Variants in PITPNM2 observed in about 807,000 individuals in gnomAD.
PITPNM2 encodes phosphatidylinositol transfer protein membrane associated 2, also known as membrane-associated phosphatidylinositol transfer protein 2.
A neutral mutation model predicts 132.2 loss-of-function variants in PITPNM2; 35 were observed. That is an observed-to-expected ratio of 0.26 (90% CI 0.20 to 0.35). The LOEUF is 0.35. Among genes scored for constraint, PITPNM2 ranks in the 10% least tolerant of loss-of-function variants. PITPNM2 has a pLI of 1.00. For missense variants in PITPNM2, 1,332 were observed against 1,912.0 expected (o/e 0.70, Z 5.66); for synonymous variants, 738 against 799.2 (o/e 0.92, Z 1.29).
chr12:123,017,255 C>T (rs965491794), intron 3 of PITPNM2, among the ~76,000 whole-genome samples: 1 of 151,610 alleles, frequency 6.6e-6, no homozygotes, highest in African/African-American at 2.4e-5. Flanking sequence ...TGCCTGTAAT[C>T]CCAGCTATTT....
intron 2 of PITPNM2, among the ~76,000 whole-genome samples, chr12:123,046,622 C>G (rs2040667334): frequency 6.6e-6 from 1 of 152,280 alleles, no homozygotes; most frequent in East Asian, 1.9e-4. Flanking sequence ...GCCCCTGGCA[C>G]CCACTAAGCT....
chr12:123,134,996 T>C (rs1169452248), intron 1 of PITPNM2, among the ~76,000 whole-genome samples: 3 of 152,160 alleles, frequency 2.0e-5, no homozygotes, highest in Non-Finnish European at 4.4e-5. Flanking sequence ...AGCTGCACGA[T>C]AGATCATGTT....
rs1202027788 is a variant in PITPNM2, at chr12:123,009,069, C to T, written c.643+781G>A. ...GACAATGCCTACCCTCATGGGTTAT[C>T]GTAAGCTTACGTGACAAGCGTGATA... On this transcript the variant is annotated intron_variant, in intron 6 of 25. Coordinates refer to ENST00000320201, the MANE Select transcript of PITPNM2 (RefSeq NM_020845.3). The surrounding 1 kb of genome is among the most constrained non-coding windows in gnomAD (Gnocchi z 4.8). Among the ~76,000 whole-genome samples the T allele has an allele frequency of 1.3e-5, 2 of 152,174 alleles. No homozygotes were observed. The highest frequency in any genetic ancestry group is 2.4e-5 in the African/African-American group (1 of 41,428).
At chr12:123,067,831 T>C (rs1470586366) in intron 2 of PITPNM2, among the ~76,000 whole-genome samples, 2 of 152,120 alleles carry the variant, frequency 1.3e-5, no homozygotes, top group Non-Finnish European at 2.9e-5. Flanking sequence ...TGACCACATA[T>C]AGGTCAGCTA....
At chr12:123,037,658 G>GCCCT (rs1241666668) in intron 2 of PITPNM2, among the ~76,000 whole-genome samples, 6 of 152,174 alleles carry the variant, frequency 3.9e-5, no homozygotes, top group Non-Finnish European at 5.9e-5. Flanking sequence ...TACATGACCT[G>GCCCT]CCCTGCTCAT....
At chr12:123,149,584 A>G (rs1386877136) in intron 1 of PITPNM2, among the ~76,000 whole-genome samples, 1 of 152,232 alleles carries the variant, frequency 6.6e-6, no homozygotes, top group African/African-American at 2.4e-5. Flanking sequence ...GAGACCAGAG[A>G]TGAATCAACT....
rs2136027575 is a variant in PITPNM2 at position 122,985,929 on chromosome 12, C to T, written c.*98G>A. On this transcript the variant is annotated 3_prime_UTR_variant, in exon 26 of 26. Coordinates refer to ENST00000320201, the MANE Select transcript of PITPNM2 (RefSeq NM_020845.3). ...TCCACAAGGCCCTGGGACAATCTCCCAGGCCCACGTCAGTGCGTGTGCCCA... is the reference window on the plus strand; with the variant it reads ...TCCACAAGGCCCTGGGACAATCTCCTAGGCCCACGTCAGTGCGTGTGCCCA... The T allele has an allele frequency of 8.7e-7, 1 of 1,149,424 alleles. No individual in the cohort carries two copies. Among genetic ancestry groups the T allele is most frequent in the Non-Finnish European group, 1.1e-6 (1 of 879,826 alleles). The allele number at this position is 1,149,424 out of a possible 1,614,324, so 71.2% of individuals were successfully genotyped here.
At chr12:122,999,950 T>C (rs2038587121) in intron 10 of PITPNM2, among the ~76,000 whole-genome samples, 1 of 152,192 alleles carries the variant, frequency 6.6e-6, no homozygotes, top group Non-Finnish European at 1.5e-5. Flanking sequence ...ATCCGTTTGC[T>C]TATCTAGACA....
chr12:123,010,713 T>C (rs1010940789), intron 5 of PITPNM2: 3 of 155,062 alleles, frequency 1.9e-5, no homozygotes, highest in African/African-American at 7.2e-5. Flanking sequence ...GCCCTGGACA[T>C]GCCGGCCACT....
At chr12:123,087,166 G>A (rs908260799) in intron 2 of PITPNM2, 1 of 152,192 alleles carries the variant, frequency 6.6e-6, no homozygotes, top group Non-Finnish European at 1.5e-5. Context: ...GGGAGACTCT[G>A]TGTACCCTGT....
rs368478508 is a variant in PITPNM2 at position 122,988,718 on chromosome 12, G to C, written c.2880+6C>G. On this transcript the variant is annotated splice_donor_region_variant and intron_variant, in intron 19 of 25. Coordinates refer to ENST00000320201, the MANE Select transcript of PITPNM2 (RefSeq NM_020845.3). The stretch of plus-strand genomic sequence containing the variant: ...GCCCTCCTGGGAGGTCCCAGGCCCC[G>C]GGTACCTGTCTCAGCAGAAAGGAGA... 3 of 1,555,614 alleles carry C rather than the reference G, an allele frequency of 1.9e-6. No homozygotes were observed. Among genetic ancestry groups the C allele is most frequent in the Non-Finnish European group, 2.6e-6 (3 of 1,149,208 alleles).
chr12:123,115,946 C>T (rs1465047562), intron 1 of PITPNM2, among the ~76,000 whole-genome samples: 2 of 152,196 alleles, frequency 1.3e-5, no homozygotes, highest in African/African-American at 4.8e-5. Context: ...GCCATGGGAA[C>T]CTGGATATTC....
intron 1 of PITPNM2, among the ~76,000 whole-genome samples, chr12:123,113,100 G>A (rs1200230037): frequency 6.6e-6 from 1 of 152,226 alleles, no homozygotes; most frequent in African/African-American, 2.4e-5. Context: ...ATACCAGTTT[G>A]ATGGGGTGCC....
At chr12:123,113,330 C>T (rs7315572) in intron 1 of PITPNM2, among the ~76,000 whole-genome samples, 8,953 of 152,248 alleles carry the variant, frequency 0.059, 856 homozygotes, top group African/African-American at 0.2. Context: ...GACAACAGAC[C>T]ATGCATGGCC....
intron 2 of PITPNM2, among the ~76,000 whole-genome samples, chr12:123,074,541 AC>A (rs1428059259): frequency 2.0e-5 from 3 of 150,964 alleles, no homozygotes; most frequent in East Asian, 1.9e-4. Flanking sequence ...TCACATATAC[AC>A]CCCCCACATG....
intron 2 of PITPNM2, among the ~76,000 whole-genome samples, chr12:123,047,498 C>G (rs2040700170): frequency 6.6e-6 from 1 of 152,170 alleles, no homozygotes; most frequent in Admixed American, 6.5e-5. Context: ...CTTAGATCAA[C>G]AGAAACATTT....
intron 2 of PITPNM2, among the ~76,000 whole-genome samples, chr12:123,071,461 G>A (rs2041619206): frequency 1.3e-5 from 2 of 152,220 alleles, no homozygotes; most frequent in Non-Finnish European, 2.9e-5. Flanking sequence ...TTCCCCTGAG[G>A]GCAAGCTCAG....
chr12:122,990,376 C>T (rs1224366041), intron 17 of PITPNM2, among the ~76,000 whole-genome samples, 169 bp downstream of exon 17: 5 of 152,370 alleles, frequency 3.3e-5, no homozygotes, highest in East Asian at 1.9e-4. Context: ...GGGGCTGGCC[C>T]GGGCACTGCA....
intron 3 of PITPNM2, among the ~76,000 whole-genome samples, chr12:123,017,798 GA>G (rs1371437552): frequency 5.3e-5 from 8 of 152,174 alleles, no homozygotes; most frequent in African/African-American, 1.7e-4. Flanking sequence ...CATTTACATG[GA>G]AAGTACAGAA....
Sources: allele counts gnomAD v4.1 joint callset (sites outside exome capture counted in the v4.1 genomes callset), GRCh38; gene constraint gnomAD v4.1.1; non-coding constraint Gnocchi (gnomAD v3.1); transcripts MANE v1.5; gene names NCBI Gene and HGNC (gene_info 2026-07-23, HGNC 2026-07-21).